BCLAF3: variants seen among roughly 807,000 people sequenced by gnomAD.
The protein encoded by BCLAF3 is BCLAF1 and THRAP3 family member 3.
In BCLAF3, 24 loss-of-function variants were observed where a neutral mutation model predicts 51.2. The observed-to-expected ratio is 0.47, with a 90% CI of 0.34 to 0.66. BCLAF3 has a LOEUF of 0.66. BCLAF3 is among the 30% of genes least tolerant of loss of function. BCLAF3 has a pLI of 0.01. For missense variants in BCLAF3, 465 were observed against 525.1 expected (o/e 0.89, Z 1.12); for synonymous variants, 152 against 176.6 (o/e 0.86, Z 1.10).
In BCLAF3 at chrX:19,950,897, T is replaced by A. The variant is rs1405956735; in HGVS notation, c.1630-29A>T. ...AGGAATTTTGACAGAAGACAAACCA[T>A]TCACATTACTTTTAGTTGCACAAAG... On this transcript the variant is annotated intron_variant, in intron 7 of 11. Transcript: ENST00000379682. The A allele has an allele frequency of 4.9e-6, 5 of 1,017,264 alleles. No homozygotes were observed. The East Asian group carries it at 1.5e-4, about 31-fold the overall frequency. The allele number at this position is 1,017,264 out of a possible 1,213,427, so 83.8% of individuals were successfully genotyped here.
At chrX:19,973,609 T>C (rs988874683) in intron 1 of BCLAF3, among the ~76,000 whole-genome samples, 16 of 111,697 alleles carry the variant, frequency 1.4e-4, no homozygotes, top group African/African-American at 5.2e-4. Context: ...CTCGGTCAGC[T>C]TGACAAATCC....
intron 6 of BCLAF3, among the ~76,000 whole-genome samples, 166 bp from the exon 7 acceptor site, chrX:19,953,217 T>C (rs994457114): frequency 1.8e-5 from 2 of 111,795 alleles, no homozygotes; most frequent in African/African-American, 6.5e-5. Flanking sequence ...TCCCAGGATA[T>C]ACATATCCTG....
At chrX:19,964,824 C>T (rs2071989991) in intron 4 of BCLAF3, among the ~76,000 whole-genome samples, 1 of 111,099 alleles carries the variant, frequency 9.0e-6, no homozygotes. Context: ...CAAGAAGCAT[C>T]TGGAGATAGG....
intron 7 of BCLAF3, 76 bp downstream of exon 7, chrX:19,952,912 C>T: frequency 1.2e-6 from 1 of 811,934 alleles, no homozygotes; most frequent in Non-Finnish European, 1.8e-6. Context: ...TCCCTTTTCT[C>T]TCCCAACCAC....
chrX:19,954,182 T>C (rs920996914), intron 5 of BCLAF3: 2 of 752,525 alleles, frequency 2.7e-6, no homozygotes, highest in African/African-American at 2.3e-5. Flanking sequence ...AGCAAGGACC[T>C]TTCTTCTCCA....
intron 1 of BCLAF3, among the ~76,000 whole-genome samples, chrX:19,972,322 CTAGA>C (rs1210677443): frequency 2.7e-5 from 3 of 111,500 alleles, no homozygotes; most frequent in Non-Finnish European, 5.7e-5. Context: ...TATAATTTCA[CTAGA>C]TAAACTCTGG....
intron 2 of BCLAF3, among the ~76,000 whole-genome samples, chrX:19,966,902 C>T (rs2072079215): frequency 9.0e-6 from 1 of 111,253 alleles, no homozygotes; most frequent in African/African-American, 3.3e-5. Context: ...CTGAGCACAC[C>T]TGTCCCATTG....
chrX:19,980,338 C>T (rs1262498055), intron 1 of BCLAF3, among the ~76,000 whole-genome samples: 2 of 112,059 alleles, frequency 1.8e-5, no homozygotes, highest in African/African-American at 6.5e-5. Context: ...AAATACAAAG[C>T]AAGGTGAGAA....
At chrX:19,979,419 T>C (rs1406985527) in intron 1 of BCLAF3, among the ~76,000 whole-genome samples, 2 of 111,458 alleles carry the variant, frequency 1.8e-5, no homozygotes, top group African/African-American at 6.5e-5. Flanking sequence ...AGCAATAATA[T>C]ATTTTTAAAT....
chrX:19,987,973 T>C (rs751380987), intron 1 of BCLAF3, among the ~76,000 whole-genome samples: 1 of 112,317 alleles, frequency 8.9e-6, no homozygotes, highest in Admixed American at 9.4e-5. Flanking sequence ...ACCTTGCGAA[T>C]CCTACCTTCA....
rs769098351 is a variant in BCLAF3, at chrX:19,966,485, A to G, written c.206T>C (p.Ile69Thr). The G allele has an allele frequency of 2.5e-6, 3 of 1,211,276 alleles. No individual in the cohort carries two copies. Among genetic ancestry groups the G allele is most frequent in the East Asian group, 3.0e-5 (1 of 33,820 alleles). The change falls in exon 3 of 12, where the codon ATA becomes ACA. Residue 69 changes from isoleucine to threonine, a missense_variant. Physicochemically the swap from Ile to Thr is moderately conservative, Grantham distance 89 (BLOSUM62 -1). Coordinates refer to ENST00000379682, the MANE Select transcript of BCLAF3 (RefSeq NM_001367774.2). ...TCTATGTTCATAAGACTGGTAATAT[A>G]TATTTCCACGAGAGGGAATCCTTGG... ...SKPRIPSRGN[I>T]YYQSYEHRSP...
intron 1 of BCLAF3, among the ~76,000 whole-genome samples, chrX:19,975,604 A>C (rs1186979412): frequency 8.9e-6 from 1 of 112,017 alleles, no homozygotes; most frequent in African/African-American, 3.2e-5. Flanking sequence ...TCAGCCTCCC[A>C]AAGGGCTAGG....
intron 1 of BCLAF3, among the ~76,000 whole-genome samples, chrX:19,984,004 G>A (rs1348803130): frequency 5.9e-5 from 6 of 102,258 alleles, no homozygotes; most frequent in African/African-American, 1.1e-4. Context: ...CCCGGGAGGC[G>A]GAAGTTGCAG....
chrX:19,932,525 ATTTTTT>A (rs58949658), intron 10 of BCLAF3, among the ~76,000 whole-genome samples: 1 of 77,440 alleles, frequency 1.3e-5, no homozygotes, highest in African/African-American at 5.6e-5. Flanking sequence ...ACAAGTCAAG[ATTTTTT>A]TTTTTTTTTT....
At chrX:19,941,760 T>G (rs1451542349) in intron 8 of BCLAF3, among the ~76,000 whole-genome samples, 2 of 103,804 alleles carry the variant, frequency 1.9e-5, no homozygotes, top group Admixed American at 2.1e-4. Context: ...TGCGGGCTCT[T>G]TTTTGGTTCC....
chrX:19,959,090 C>T (rs749985257), intron 4 of BCLAF3, among the ~76,000 whole-genome samples: 38 of 112,519 alleles, frequency 3.4e-4, no homozygotes, highest in Non-Finnish European at 7.1e-4. Flanking sequence ...TCCCTCTATT[C>T]CTTTTCACTG....
chrX:19,969,239 T>C (rs1234070911), intron 2 of BCLAF3, among the ~76,000 whole-genome samples: 1 of 113,030 alleles, frequency 8.8e-6, no homozygotes, highest in Non-Finnish European at 1.9e-5. Flanking sequence ...TCCTGTGAAT[T>C]ACAAAATGAA....
chrX:19,935,707 G>C (rs2070732211), intron 10 of BCLAF3, 102 bp downstream of exon 10: 1 of 634,321 alleles, frequency 1.6e-6, no homozygotes, highest in African/African-American at 2.2e-5. Flanking sequence ...GCTACCATTT[G>C]AAAGCATATT....
chrX:19,919,079 C>T (rs193153688), intron 11 of BCLAF3, among the ~76,000 whole-genome samples: 1 of 111,001 alleles, frequency 9.0e-6, no homozygotes, highest in East Asian at 2.8e-4. Context: ...ATCCTCCTGC[C>T]CAGCTTTTGG....
Sources: gnomAD v4.1 joint callset for allele counts (sites outside exome capture counted in the v4.1 genomes callset) on GRCh38, gnomAD v4.1.1 for gene constraint, MANE v1.5 for transcripts, NCBI Gene and HGNC (gene_info 2026-07-23, HGNC 2026-07-21) for gene names.